The following ZNF469 variants were observed in gnomAD, a reference collection of about 807,000 sequenced individuals.
The protein encoded by ZNF469 is zinc finger protein 469.
A neutral mutation model predicts 1.0 loss-of-function variants in ZNF469; 1 was observed. The ratio of observed to expected loss-of-function variants is 1.00; its 90% CI spans 0.35 to 4.73. The LOEUF (loss-of-function observed/expected upper bound fraction) is 4.73. Ranked by LOEUF, ZNF469 falls within the 30% of genes most tolerant of loss-of-function variation. The probability of loss-of-function intolerance (pLI) is 0.16; values close to 1 mark genes in which losing one functional copy is unlikely to be tolerated. For synonymous variants in ZNF469, 2,703 were observed against 2,363.4 expected, an observed-to-expected ratio of 1.14 and a Z score of -4.17; for missense variants, 6,100 against 5,356.3, an observed-to-expected ratio of 1.14 and a Z score of -4.33.
At chr16:88,295,381 C>T in the ZNF469 span, among the ~76,000 whole-genome samples, 30 of 94,574 alleles carry the variant, frequency 3.2e-4, no homozygotes, top group African/African-American at 1.2e-3. Flanking sequence ...GACGTCATCT[C>T]GGGCCCCCAG....
chr16:88,102,255 G>A, the ZNF469 span, among the ~76,000 whole-genome samples: 2 of 152,186 alleles, frequency 1.3e-5, no homozygotes, highest in African/African-American at 2.4e-5. Context: ...GGTGGCTCAC[G>A]CCTGTAATCC....
the ZNF469 span, among the ~76,000 whole-genome samples, chr16:88,180,288 C>T: frequency 6.6e-6 from 1 of 150,918 alleles, no homozygotes; most frequent in South Asian, 2.1e-4. Flanking sequence ...AAACAAGATC[C>T]AACTCTATGC....
intron 1 of ZNF469, among the ~76,000 whole-genome samples, chr16:88,400,779 C>T (rs1904831654): frequency 6.6e-6 from 1 of 152,066 alleles, no homozygotes; most frequent in African/African-American, 2.4e-5. Context: ...GGTCACCTCA[C>T]CTCTGGATAA....
At chr16:88,333,282 G>T in the ZNF469 span, among the ~76,000 whole-genome samples, 307 of 151,850 alleles carry the variant, frequency 2.0e-3, 1 homozygote, top group African/African-American at 7.0e-3. Flanking sequence ...GACTTGCTGA[G>T]TCACGGAAGA....
chr16:88,205,819 A>G, the ZNF469 span, among the ~76,000 whole-genome samples: 8 of 152,212 alleles, frequency 5.3e-5, no homozygotes, highest in Admixed American at 4.6e-4. This position sits in a 1 kb window ranked among gnomAD's most constrained non-coding sequence, Gnocchi z 4.2. Context: ...GGACTCGCAC[A>G]GGCCAGAAAA....
the ZNF469 span, among the ~76,000 whole-genome samples, chr16:88,218,298 T>C: frequency 1.3e-4 from 20 of 150,644 alleles, no homozygotes; most frequent in Non-Finnish European, 2.8e-4. Context: ...TGTTTGTTTT[T>C]TTCTTGTAAA....
the ZNF469 span, among the ~76,000 whole-genome samples, chr16:88,137,665 C>G: frequency 2.0e-5 from 3 of 152,186 alleles, no homozygotes; most frequent in Non-Finnish European, 4.4e-5. Flanking sequence ...CCATGTGTGC[C>G]TGTAACTGTG....
chr16:88,240,969 T>G, the ZNF469 span, among the ~76,000 whole-genome samples: 1 of 152,004 alleles, frequency 6.6e-6, no homozygotes, highest in African/African-American at 2.4e-5. Context: ...AACCCCATCT[T>G]CCTGCAGGCC....
the ZNF469 span, among the ~76,000 whole-genome samples, chr16:88,256,077 A>T: frequency 6.6e-6 from 1 of 152,224 alleles, no homozygotes; most frequent in Non-Finnish European, 1.5e-5. Flanking sequence ...CTGCTCTGTC[A>T]TACATCAGGG....
the ZNF469 span, among the ~76,000 whole-genome samples, chr16:88,176,234 T>A: frequency 1.3e-5 from 2 of 150,048 alleles, no homozygotes; most frequent in African/African-American, 4.9e-5. Context: ...GTTCCAGCCT[T>A]CTGTCCATCA....
intron 1 of ZNF469, among the ~76,000 whole-genome samples, chr16:88,387,892 C>T (rs1006582434): frequency 9.2e-5 from 14 of 152,228 alleles, no homozygotes; most frequent in African/African-American, 3.1e-4. Context: ...CCTTGCTCCT[C>T]CAATCAGGGT....
chr16:88,319,445 C>T, the ZNF469 span, among the ~76,000 whole-genome samples: 1 of 152,160 alleles, frequency 6.6e-6, no homozygotes, highest in Non-Finnish European at 1.5e-5. Flanking sequence ...GAGGAGGAGG[C>T]AGTCCGAGGC....
Position 88,438,781 on chromosome 16 carries a change from C to A in ZNF469, c.11311C>A (p.Pro3771Thr). Residue 3771 changes from proline (P) to threonine (T), a missense_variant, in exon 3 of 3, where the codon CCC becomes ACC. Transcript: ENST00000565624. ...TATTPAKPSF[P>T]SRSPAPERLP... The stretch of plus-strand genomic sequence containing the variant: ...CACCACCCCAGCCAAGCCCAGCTTC[C>A]CCAGCCGGAGCCCTGCACCAGAGAG... 1.3e-6 allele frequency: 2 copies of A among 1,550,230 alleles called. No individual in the cohort carries two copies. Among genetic ancestry groups the A allele is most frequent in the Non-Finnish European group, 8.7e-7 (1 of 1,146,920 alleles).
At chr16:88,160,577 C>T in the ZNF469 span, among the ~76,000 whole-genome samples, 9 of 152,260 alleles carry the variant, frequency 5.9e-5, no homozygotes, top group African/African-American at 2.2e-4. Context: ...GAGCCACCAG[C>T]CCTTTCGCTT....
chr16:88,181,233 G>A, the ZNF469 span, among the ~76,000 whole-genome samples: 3 of 152,168 alleles, frequency 2.0e-5, no homozygotes, highest in Admixed American at 2.0e-4. Context: ...ACCACGCCTG[G>A]CTAATTTTTT....
chr16:88,378,772 T>A (rs78168591), upstream of ZNF469, among the ~76,000 whole-genome samples: 15 of 152,322 alleles, frequency 9.8e-5, no homozygotes, highest in East Asian at 1.9e-3. Context: ...CAGCTTCCCC[T>A]ATCTAGCAAA....
intron 1 of ZNF469, among the ~76,000 whole-genome samples, chr16:88,414,549 C>T (rs1009398513): frequency 6.6e-6 from 1 of 152,264 alleles, no homozygotes; most frequent in Admixed American, 6.5e-5. Context: ...CAGAGCTGCC[C>T]TGGATTGGGA....
the ZNF469 span, among the ~76,000 whole-genome samples, chr16:88,243,044 T>C: frequency 1.3e-5 from 2 of 152,204 alleles, no homozygotes; most frequent in Non-Finnish European, 2.9e-5. Context: ...AACTCACTGC[T>C]GGCCAGCCCG....
chr16:88,315,982 C>A, the ZNF469 span, among the ~76,000 whole-genome samples: 1 of 152,222 alleles, frequency 6.6e-6, no homozygotes, highest in African/African-American at 2.4e-5. Context: ...GCGCCTGCAC[C>A]ACTGAGGAAA....
Sources: allele counts gnomAD v4.1 joint callset (sites outside exome capture counted in the v4.1 genomes callset), GRCh38; gene constraint gnomAD v4.1.1; non-coding constraint Gnocchi (gnomAD v3.1); transcripts MANE v1.5; gene names NCBI Gene and HGNC (gene_info 2026-07-23, HGNC 2026-07-21).